DSCAM: variants seen among roughly 807,000 people sequenced by gnomAD.
DSCAM encodes cell adhesion molecule DSCAM.
A neutral mutation model predicts 217.7 loss-of-function variants in DSCAM; 47 were observed. The observed-to-expected ratio is 0.22, with a 90% confidence interval of 0.17 to 0.28. DSCAM has a LOEUF of 0.28. Among genes scored for constraint, DSCAM ranks in the 10% least tolerant of loss-of-function variants. The pLI, the probability that DSCAM is intolerant of heterozygous loss-of-function variation, is 1.00. For synonymous variants in DSCAM, 1,056 were observed against 1,015.3 expected, an observed-to-expected ratio of 1.04 and a Z score of -0.76; for missense variants, 2,080 against 2,618.3, an observed-to-expected ratio of 0.79 and a Z score of 4.49.
chr21:40,776,928 G>A (rs2091493317), intron 1 of DSCAM, among the ~76,000 whole-genome samples: 1 of 152,208 alleles, frequency 6.6e-6, no homozygotes. Context: ...TTATGGCAAA[G>A]AAAACAGGAA....
intron 11 of DSCAM, among the ~76,000 whole-genome samples, chr21:40,206,123 G>A (rs1486209145): frequency 1.3e-5 from 2 of 152,182 alleles, no homozygotes; most frequent in Admixed American, 1.3e-4. Flanking sequence ...ACTCCACCCA[G>A]TTCTAAGGAT....
chr21:40,422,237 C>G (rs567555126), intron 3 of DSCAM, among the ~76,000 whole-genome samples: 124 of 152,316 alleles, frequency 8.1e-4, no homozygotes, highest in African/African-American at 2.8e-3. Flanking sequence ...TAATTTATTT[C>G]CAGTCTTGGC....
intron 11 of DSCAM, among the ~76,000 whole-genome samples, chr21:40,255,033 A>C (rs1448192262): frequency 6.6e-6 from 1 of 152,182 alleles, no homozygotes; most frequent in African/African-American, 2.4e-5. Context: ...AAGGCCCAGC[A>C]CTGGCAGTTG....
At chr21:40,422,090 C>T (rs1327803976) in intron 3 of DSCAM, among the ~76,000 whole-genome samples, 4 of 152,248 alleles carry the variant, frequency 2.6e-5, no homozygotes, top group Non-Finnish European at 4.4e-5. Flanking sequence ...GATGCATGTC[C>T]TGCTCATGCC....
intron 8 of DSCAM, among the ~76,000 whole-genome samples, chr21:40,327,766 T>A (rs1282800734): frequency 6.6e-6 from 1 of 152,180 alleles, no homozygotes; most frequent in Non-Finnish European, 1.5e-5. Context: ...GGATGTTAAA[T>A]TTTGTCAAGT....
At chr21:40,178,500 C>T (rs1228203911) in intron 15 of DSCAM, among the ~76,000 whole-genome samples, 1 of 152,164 alleles carries the variant, frequency 6.6e-6, no homozygotes, top group East Asian at 1.9e-4. Flanking sequence ...CCACATCTCC[C>T]GCACAGTAAG....
chr21:40,113,376 A>G (rs1980695432), intron 20 of DSCAM, among the ~76,000 whole-genome samples: 2 of 152,220 alleles, frequency 1.3e-5, no homozygotes. Context: ...TTCATGCTAA[A>G]AACTCTCAAT....
At chr21:40,148,189 A>C (rs1052435775) in intron 16 of DSCAM, among the ~76,000 whole-genome samples, 1 of 151,644 alleles carries the variant, frequency 6.6e-6, no homozygotes, top group Non-Finnish European at 1.5e-5. Context: ...TAGTGTTTTT[A>C]CATCTTTTTT....
At chr21:40,715,385 C>G (rs2090830737) in intron 1 of DSCAM, among the ~76,000 whole-genome samples, 2 of 152,180 alleles carry the variant, frequency 1.3e-5, no homozygotes, top group Non-Finnish European at 2.9e-5. Context: ...AGTTTGGCCT[C>G]CAGGGCCAGT....
At chr21:40,657,343 A>T (rs1484141618) in intron 3 of DSCAM, among the ~76,000 whole-genome samples, 1 of 152,230 alleles carries the variant, frequency 6.6e-6, no homozygotes, top group African/African-American at 2.4e-5. Context: ...ATTAGCCCTT[A>T]AGATGCAATT....
intron 3 of DSCAM, among the ~76,000 whole-genome samples, chr21:40,431,924 G>C (rs1265689155): frequency 1.3e-5 from 2 of 152,188 alleles, no homozygotes; most frequent in Non-Finnish European, 2.9e-5. Flanking sequence ...TTCTGGCCAG[G>C]TGTGGTGGCT....
chr21:40,404,186 TA>T, intron 3 of DSCAM, among the ~76,000 whole-genome samples: 1 of 152,322 alleles, frequency 6.6e-6, no homozygotes, highest in African/African-American at 2.4e-5. Context: ...CAATAAAGGT[TA>T]ACTTCAAAGG....
chr21:40,126,322 A>G (rs1356613246), intron 19 of DSCAM, among the ~76,000 whole-genome samples: 1 of 152,126 alleles, frequency 6.6e-6, no homozygotes, highest in Non-Finnish European at 1.5e-5. Flanking sequence ...AAAGGAAAGA[A>G]GGATAAAAAA....
chr21:40,737,358 G>A (rs796913827), intron 1 of DSCAM, among the ~76,000 whole-genome samples: 4 of 152,020 alleles, frequency 2.6e-5, no homozygotes, highest in African/African-American at 4.8e-5. Context: ...CTCAGCAACC[G>A]GCCGGACAGT....
intron 3 of DSCAM, among the ~76,000 whole-genome samples, chr21:40,419,063 C>T (rs922083397): frequency 6.6e-5 from 10 of 152,096 alleles, no homozygotes; most frequent in South Asian, 6.2e-4. Flanking sequence ...CTCTGCCTCC[C>T]GGGTTCACGC....
At chr21:40,216,769 C>A (rs2146894441) in intron 11 of DSCAM, among the ~76,000 whole-genome samples, 1 of 152,348 alleles carries the variant, frequency 6.6e-6, no homozygotes, top group Admixed American at 6.5e-5. Context: ...CGCAGCCAAC[C>A]AGTGCCCCCA....
At chr21:40,447,126 C>A (rs554376728) in intron 3 of DSCAM, among the ~76,000 whole-genome samples, 3 of 152,238 alleles carry the variant, frequency 2.0e-5, no homozygotes, top group Non-Finnish European at 2.9e-5. Context: ...TGTAGGGAAC[C>A]CACCAATGAA....
chr21:40,296,353 GA>G (rs1374347684), intron 9 of DSCAM, among the ~76,000 whole-genome samples, 179 bp from the exon 10 acceptor site: 1 of 152,152 alleles, frequency 6.6e-6, no homozygotes, highest in Non-Finnish European at 1.5e-5. Context: ...TTTCAGTGCT[GA>G]AAAATTTTCT....
intron 3 of DSCAM, among the ~76,000 whole-genome samples, chr21:40,546,118 G>A (rs1169757867): frequency 6.6e-6 from 1 of 152,218 alleles, no homozygotes; most frequent in Non-Finnish European, 1.5e-5. Context: ...AACTCAGCGG[G>A]TACATTCTCC....
Sources: gnomAD v4.1 joint callset for allele counts (sites outside exome capture counted in the v4.1 genomes callset) on GRCh38, gnomAD v4.1.1 for gene constraint, MANE v1.5 for transcripts, NCBI Gene and HGNC (gene_info 2026-07-23, HGNC 2026-07-21) for gene names.